MORC3: variants seen among roughly 807,000 people sequenced by gnomAD.
MORC3 encodes MORC family CW-type zinc finger protein 3.
Under a neutral mutation model 109.1 loss-of-function variants are expected in MORC3, and 31 were observed. The ratio of observed to expected loss-of-function variants is 0.28; its 90% CI spans 0.21 to 0.38. MORC3 has a LOEUF of 0.38. Among genes scored for constraint, MORC3 ranks in the 10% least tolerant of loss-of-function variants. MORC3 has a pLI of 1.00. For synonymous variants in MORC3, 395 were observed against 380.7 expected (o/e 1.04, Z -0.44); for missense variants, 867 against 1,135.8 (o/e 0.76, Z 3.40).
chr21:36,365,577 C>T (rs192213192), intron 14 of MORC3, among the ~76,000 whole-genome samples: 80 of 152,160 alleles, frequency 5.3e-4, no homozygotes, highest in Middle Eastern at 3.4e-3. Context: ...GAATAGTTTG[C>T]TCTTCCTTTC....
At chr21:36,360,502 G>C (rs2085701135) in intron 12 of MORC3, 3 of 536,298 alleles carry the variant, frequency 5.6e-6, no homozygotes, top group Admixed American at 3.4e-5. Context: ...GCTGTTGTGA[G>C]CTGTATGCAG....
chr21:36,362,638 A>C (rs1291048486), intron 13 of MORC3, among the ~76,000 whole-genome samples: 2 of 152,022 alleles, frequency 1.3e-5, no homozygotes, highest in African/African-American at 4.8e-5. Flanking sequence ...CAGCCTCCCA[A>C]AGTGCTAGGA....
chr21:36,351,113 G>T (rs1455326417), intron 9 of MORC3, among the ~76,000 whole-genome samples: 1 of 119,640 alleles, frequency 8.4e-6, no homozygotes, highest in Non-Finnish European at 1.6e-5. Context: ...TCACTAGGCT[G>T]GAGTGCAGTG....
At chr21:36,345,098 C>T in intron 8 of MORC3, 67 bp downstream of exon 8, 1 of 1,419,896 alleles carries the variant, frequency 7.0e-7, no homozygotes. Context: ...AATATATGCT[C>T]TTGAGTCAAA....
At chr21:36,334,978 A>G (rs2085358481) in intron 2 of MORC3, among the ~76,000 whole-genome samples, 1 of 152,058 alleles carries the variant, frequency 6.6e-6, no homozygotes, top group African/African-American at 2.4e-5. Flanking sequence ...AAAAAATACA[A>G]AAATTCGCCA....
intron 10 of MORC3, 95 bp downstream of exon 10, chr21:36,356,819 T>C (rs1304142515): frequency 2.8e-6 from 2 of 709,062 alleles, no homozygotes; most frequent in Non-Finnish European, 4.5e-6. Flanking sequence ...AACTTAGGAC[T>C]GTAACTCATA....
chr21:36,343,339 C>G (rs1456174538), intron 6 of MORC3, among the ~76,000 whole-genome samples: 1 of 152,128 alleles, frequency 6.6e-6, no homozygotes, highest in Non-Finnish European at 1.5e-5. Flanking sequence ...AGTGATCTGC[C>G]TGCCTCGGCC....
rs1396958444 is a variant in MORC3, at chr21:36,349,278, G to A, written c.1006-33G>A. ...AATTATTTTGAGCATCATGTCTTATGCTTAAAATGCTGATTTCATTTTATT... is the reference window on the plus strand; with the variant it reads ...AATTATTTTGAGCATCATGTCTTATACTTAAAATGCTGATTTCATTTTATT... On this transcript the variant is annotated intron_variant, in intron 8 of 16. Coordinates refer to ENST00000400485, the MANE Select transcript of MORC3 (RefSeq NM_015358.3). The A allele has an allele frequency of 2.1e-6, 3 of 1,444,678 alleles. No individual in the cohort carries two copies. The South Asian group carries it at 3.5e-5, about 17-fold the overall frequency. The allele number at this position is 1,444,678 out of a possible 1,614,324, so 89.5% of individuals were successfully genotyped here.
intron 5 of MORC3, among the ~76,000 whole-genome samples, chr21:36,340,880 A>C (rs949858263): frequency 6.6e-6 from 1 of 152,052 alleles, no homozygotes; most frequent in Non-Finnish European, 1.5e-5. Context: ...CAGGTGATCC[A>C]CATGCCTCAG....
At chr21:36,342,433 C>T (rs1246191351) in intron 6 of MORC3, among the ~76,000 whole-genome samples, 1 of 151,900 alleles carries the variant, frequency 6.6e-6, no homozygotes, top group Non-Finnish European at 1.5e-5. Context: ...CTTTGGGTGT[C>T]ACTCTCTCAC....
chr21:36,360,106 G>A (rs754246887), intron 11 of MORC3, 29 bp downstream of exon 11: 81 of 1,613,824 alleles, frequency 5.0e-5, no homozygotes, highest in Non-Finnish European at 6.8e-5. Context: ...TACCCTTTTT[G>A]GAAAGACGGA....
chr21:36,321,876 G>T (rs1490301481), intron 1 of MORC3, among the ~76,000 whole-genome samples: 1 of 152,166 alleles, frequency 6.6e-6, no homozygotes, highest in East Asian at 1.9e-4. Context: ...GGCTCTTCAA[G>T]ATTGAGGGGA....
Position 36,338,941 on chromosome 21 carries a change from T to G in MORC3, c.608+20T>G, listed in dbSNP as rs931319175. ...TAGAAGGTAAACGTGGACATAGATGTTGACCGTTTGGGAAGTAAAGTGCAC... is the reference window on the plus strand; with the variant it reads ...TAGAAGGTAAACGTGGACATAGATGGTGACCGTTTGGGAAGTAAAGTGCAC... On this transcript the variant is annotated intron_variant, in intron 5 of 16. Coordinates refer to ENST00000400485, the MANE Select transcript of MORC3 (RefSeq NM_015358.3). The G allele has an allele frequency of 6.2e-7, 1 of 1,611,788 alleles. No homozygotes were observed. The highest frequency in any genetic ancestry group is 1.3e-5 in the African/African-American group (1 of 74,890).
intron 9 of MORC3, among the ~76,000 whole-genome samples, chr21:36,354,021 A>G (rs1368066075): frequency 6.6e-6 from 1 of 151,604 alleles, no homozygotes; most frequent in African/African-American, 2.4e-5. Flanking sequence ...CAGTGAGCCT[A>G]AGTCACGCCA....
rs2085727728 is a variant in MORC3, at chr21:36,362,303, G to T, written c.1452+75G>T. 2.0e-6 allele frequency: 3 copies of T among 1,489,778 alleles called. No individual in the cohort carries two copies. The African/African-American group carries it at 4.3e-5, about 21-fold the overall frequency. 92.3% of individuals were successfully genotyped at this position (1,489,778 alleles called of 1,614,324 possible). A position where few individuals can be genotyped will look rare whatever the true frequency, so the allele number is the denominator to read the frequency against. ...GACACCCGTAATCCCAGCATTTTGG[G>T]AGGCCGAGGCAGGTGGATCACCTGA... On this transcript the variant is annotated intron_variant, in intron 13 of 16. Coordinates refer to ENST00000400485, the MANE Select transcript of MORC3 (RefSeq NM_015358.3).
intron 9 of MORC3, among the ~76,000 whole-genome samples, chr21:36,355,555 G>C (rs974755031): frequency 2.6e-5 from 4 of 152,098 alleles, no homozygotes; most frequent in African/African-American, 9.7e-5. Flanking sequence ...TAGCCTGTCC[G>C]TTCTTGGACT....
intron 9 of MORC3, among the ~76,000 whole-genome samples, chr21:36,350,047 G>A (rs1276852317): frequency 3.3e-5 from 5 of 152,194 alleles, no homozygotes; most frequent in Non-Finnish European, 5.9e-5. Flanking sequence ...GCTCTTTCCT[G>A]TAATCTTAGC....
intron 16 of MORC3, among the ~76,000 whole-genome samples, chr21:36,373,290 A>T (rs1569112238): frequency 6.6e-6 from 1 of 151,860 alleles, no homozygotes; most frequent in Non-Finnish European, 1.5e-5. Flanking sequence ...CAGTGAGCCG[A>T]GATTGCGCCA....
chr21:36,333,977 C>T (rs1338412907), intron 2 of MORC3, among the ~76,000 whole-genome samples: 5 of 151,566 alleles, frequency 3.3e-5, no homozygotes, highest in Admixed American at 2.6e-4. Flanking sequence ...TTAGTAGAGA[C>T]GGGGTTTCAC....
Sources: gnomAD v4.1 joint callset for allele counts (sites outside exome capture counted in the v4.1 genomes callset) on GRCh38, gnomAD v4.1.1 for gene constraint, MANE v1.5 for transcripts, NCBI Gene and HGNC (gene_info 2026-07-23, HGNC 2026-07-21) for gene names.